FGGY: variants seen among roughly 807,000 people sequenced by gnomAD.
FGGY encodes FGGY carbohydrate kinase domain-containing protein.
In FGGY, 72 loss-of-function variants were observed where a neutral mutation model predicts 71.3. That is an observed-to-expected ratio of 1.01 (90% CI 0.84 to 1.23). The LOEUF (loss-of-function observed/expected upper bound fraction) is 1.23. Ranked by LOEUF, FGGY falls within the 50% of genes most tolerant of loss-of-function variation. The pLI, the probability that FGGY is intolerant of heterozygous loss-of-function variation, is 0.00. For missense variants in FGGY, 668 were observed against 682.3 expected (o/e 0.98, Z 0.23); for synonymous variants, 251 against 250.3 (o/e 1.00, Z -0.02).
At chr1:59,588,588 C>A (rs902472870) in intron 8 of FGGY, among the ~76,000 whole-genome samples, 5 of 152,148 alleles carry the variant, frequency 3.3e-5, no homozygotes, top group Non-Finnish European at 7.3e-5. Flanking sequence ...AACAGCAGAT[C>A]TCTTGGCAGA....
chr1:59,493,293 T>C (rs2093935487), intron 6 of FGGY, among the ~76,000 whole-genome samples: 2 of 152,168 alleles, frequency 1.3e-5, no homozygotes, highest in African/African-American at 2.4e-5. Flanking sequence ...TCTGGCCATA[T>C]ACCCAAAAGA....
chr1:59,758,653 T>C (rs562328503), intron 15 of FGGY, among the ~76,000 whole-genome samples: 1 of 152,282 alleles, frequency 6.6e-6, no homozygotes, highest in African/African-American at 2.4e-5. Flanking sequence ...AAGAAATTGG[T>C]AGACAGGCCA....
At position 59,660,236 on chromosome 1, in the gene FGGY, G is replaced by C. The variant is rs2097261945; in HGVS notation, c.1239G>C (p.Leu413=). The change falls in exon 12 of 16, where the codon CTG becomes CTC. Residue 413 remains leucine (L), a synonymous_variant. Transcript: ENST00000303721. The part of the protein sequence containing the change: ...TLKGMVTGLK[L]SQDLDDLAIL... The stretch of plus-strand genomic sequence containing the variant: ...GCCTGCAGGTCACCGGATTGAAACT[G>C]TCTCAGGACCTTGATGATCTTGCCA... 6.2e-7 allele frequency: 1 copy of C among 1,613,380 alleles called. No individual in the cohort carries two copies. Among genetic ancestry groups the C allele is most frequent in the African/African-American group, 1.3e-5 (1 of 74,904 alleles).
chr1:59,760,822 A>G (rs1262669619), intron 15 of FGGY, among the ~76,000 whole-genome samples: 1 of 152,198 alleles, frequency 6.6e-6, no homozygotes, highest in Non-Finnish European at 1.5e-5. Context: ...GCTCCCTTCT[A>G]GATATTTTGA....
At chr1:59,412,185 A>C (rs1055066777) in intron 5 of FGGY, among the ~76,000 whole-genome samples, 1 of 151,956 alleles carries the variant, frequency 6.6e-6, no homozygotes, top group Non-Finnish European at 1.5e-5. Flanking sequence ...ACAGTACCTC[A>C]CCTCATGCTG....
At chr1:59,320,746 A>C (rs2046243392) in intron 1 of FGGY, among the ~76,000 whole-genome samples, 1 of 152,224 alleles carries the variant, frequency 6.6e-6, no homozygotes, top group Non-Finnish European at 1.5e-5. Flanking sequence ...CCTCTTCTCC[A>C]AACCTATACA....
chr1:59,351,489 T>C (rs1272757762), intron 4 of FGGY, among the ~76,000 whole-genome samples: 2 of 152,224 alleles, frequency 1.3e-5, no homozygotes, highest in African/African-American at 4.8e-5. Flanking sequence ...TCAATTTTTG[T>C]GGTGATTTAT....
intron 14 of FGGY, among the ~76,000 whole-genome samples, chr1:59,701,602 G>A (rs991395183): frequency 1.3e-5 from 2 of 152,172 alleles, no homozygotes; most frequent in African/African-American, 2.4e-5. Context: ...AGTGTGCTAT[G>A]CCTCAGCTTT....
chr1:59,541,881 C>T (rs2095445043), intron 7 of FGGY, among the ~76,000 whole-genome samples: 1 of 152,202 alleles, frequency 6.6e-6, no homozygotes, highest in East Asian at 1.9e-4. Context: ...GTGTCAGTTA[C>T]TGAACGTGCT....
intron 11 of FGGY, among the ~76,000 whole-genome samples, chr1:59,639,490 G>T (rs1320084105): frequency 6.6e-6 from 1 of 152,142 alleles, no homozygotes; most frequent in African/African-American, 2.4e-5. Flanking sequence ...TTTTTATAGA[G>T]GCAGAAGAAT....
intron 8 of FGGY, among the ~76,000 whole-genome samples, chr1:59,590,196 G>A (rs912725492): frequency 2.0e-5 from 3 of 152,106 alleles, no homozygotes; most frequent in Admixed American, 2.0e-4. Context: ...AGAAGAAATG[G>A]ATAAATTCCT....
intron 6 of FGGY, among the ~76,000 whole-genome samples, chr1:59,475,101 A>G (rs896616081): frequency 6.6e-6 from 1 of 152,200 alleles, no homozygotes; most frequent in African/African-American, 2.4e-5. Context: ...CCCTTGAATA[A>G]TCCCAGGTAA....
chr1:59,682,473 G>A (rs1416488923), intron 14 of FGGY, among the ~76,000 whole-genome samples: 1 of 152,208 alleles, frequency 6.6e-6, no homozygotes, highest in Non-Finnish European at 1.5e-5. Flanking sequence ...GAGACATAGA[G>A]AAATCACAGG....
intron 11 of FGGY, among the ~76,000 whole-genome samples, chr1:59,655,801 A>T (rs1324551623): frequency 6.6e-6 from 1 of 152,222 alleles, no homozygotes; most frequent in East Asian, 1.9e-4. Flanking sequence ...CCTCACAAAA[A>T]TAATTTGAGG....
At chr1:59,689,748 T>C (rs1260338246) in intron 14 of FGGY, among the ~76,000 whole-genome samples, 1 of 152,130 alleles carries the variant, frequency 6.6e-6, no homozygotes, top group Admixed American at 6.5e-5. Flanking sequence ...TTCACTACAG[T>C]TCATTTGTGT....
At chr1:59,556,693 A>G (rs1372016771) in intron 8 of FGGY, among the ~76,000 whole-genome samples, 1 of 152,152 alleles carries the variant, frequency 6.6e-6, no homozygotes, top group Non-Finnish European at 1.5e-5. Context: ...TCATCCATCA[A>G]ATTGGGGATA....
rs2097252452 is a variant in FGGY at position 59,659,244 on chromosome 1, A to G, written c.1222-975A>G. Among the ~76,000 whole-genome samples, 3 of 152,152 alleles carry G rather than the reference A, an allele frequency of 2.0e-5. No homozygotes were observed. In the South Asian group the frequency reaches 6.2e-4, roughly 32 times the overall value. ...CAAGTTTCCTGGTTTGGGTAACTGA[A>G]TGGTGCCTGTGCACTGTCATAAGCC... On this transcript the variant is annotated intron_variant, in intron 11 of 15. Transcript: ENST00000303721.
chr1:59,366,957 A>G (rs2056698908), intron 4 of FGGY, among the ~76,000 whole-genome samples: 1 of 152,164 alleles, frequency 6.6e-6, no homozygotes, highest in African/African-American at 2.4e-5. Flanking sequence ...AAGAGGTGAG[A>G]ACCAAATGGA....
At chr1:59,423,443 G>A (rs1331241678) in intron 5 of FGGY, among the ~76,000 whole-genome samples, 1 of 152,126 alleles carries the variant, frequency 6.6e-6, no homozygotes, top group Non-Finnish European at 1.5e-5. Flanking sequence ...TGGATGCAAA[G>A]GAAAAGTCCC....
Sources: gnomAD v4.1 joint callset for allele counts (sites outside exome capture counted in the v4.1 genomes callset) on GRCh38, gnomAD v4.1.1 for gene constraint, MANE v1.5 for transcripts, NCBI Gene and HGNC (gene_info 2026-07-23, HGNC 2026-07-21) for gene names.